Variants in RNF141 observed in about 807,000 individuals in gnomAD.
RNF141 encodes the protein ring finger protein 141.
In RNF141, 18 loss-of-function variants were observed where a neutral mutation model predicts 27.4. The observed-to-expected ratio is 0.66, with a 90% CI of 0.45 to 0.97. The LOEUF (loss-of-function observed/expected upper bound fraction) is 0.97, where lower values mean the gene tolerates loss of function less well. RNF141 is among the 50% of genes least tolerant of loss of function. The probability of loss-of-function intolerance (pLI) is 0.00; values close to 1 mark genes in which losing one functional copy is unlikely to be tolerated. For missense variants in RNF141, 230 were observed against 279.4 expected (o/e 0.82, Z 1.26); for synonymous variants, 97 against 96.6 (o/e 1.00, Z -0.02).
At chr11:10,520,189 T>C (rs1352068390) in intron 4 of RNF141, among the ~76,000 whole-genome samples, 8 of 152,320 alleles carry the variant, frequency 5.3e-5, no homozygotes, top group African/African-American at 1.9e-4. Flanking sequence ...ATATATTTCT[T>C]CAATGATAAA....
At position 10,534,195 on chromosome 11, in the gene RNF141, T is replaced by C; in HGVS notation, c.-37A>G. 6.2e-7 allele frequency: 1 copy of C among 1,601,724 alleles called. No individual in the cohort carries two copies. Among genetic ancestry groups the C allele is most frequent in the South Asian group, 1.1e-5 (1 of 89,478 alleles). On this transcript the variant is annotated 5_prime_UTR_variant, in exon 2 of 6. An upstream open reading frame in the 5' UTR loses its in-frame stop. Coordinates refer to ENST00000265981, the MANE Select transcript of RNF141 (RefSeq NM_016422.4). ...GTCTTTCAAAATCCAGAGTGTTGCT[T>C]CACATAGTTTCTGTCAAATATACAG...
At chr11:10,527,626 C>G (rs905842729) in intron 3 of RNF141, among the ~76,000 whole-genome samples, 4 of 137,806 alleles carry the variant, frequency 2.9e-5, no homozygotes, top group African/African-American at 1.1e-4. Context: ...AGCTTTGATT[C>G]CAAGTGCATG....
At chr11:10,516,971 C>A (rs1355150857) in intron 5 of RNF141, 6 of 151,812 alleles carry the variant, frequency 4.0e-5, no homozygotes, top group African/African-American at 1.5e-4. Context: ...ACAAAGTCTG[C>A]CACAAAGTCT....
At chr11:10,517,530 C>T (rs530504240) in intron 5 of RNF141, 2 of 151,962 alleles carry the variant, frequency 1.3e-5, no homozygotes, top group African/African-American at 4.8e-5. Context: ...AAACCCCAAG[C>T]ACAAGAAACA....
In RNF141 at chr11:10,535,291, T is replaced by A. The variant is rs545436333; in HGVS notation, c.-47-1086A>T. Among the ~76,000 whole-genome samples the A allele has an allele frequency of 4.6e-5, 7 of 151,842 alleles. No individual in the cohort carries two copies. The South Asian group carries it at 1.5e-3, about 31-fold the overall frequency. On this transcript the variant is annotated intron_variant, in intron 1 of 5. Coordinates refer to ENST00000265981, the MANE Select transcript of RNF141 (RefSeq NM_016422.4). ...GTAAAATTTCCTTTAGGTATTAAAATTTAATGTACTGTATTTGAAGTTAAT... is the reference window on the plus strand; with the variant it reads ...GTAAAATTTCCTTTAGGTATTAAAAATTAATGTACTGTATTTGAAGTTAAT...
chr11:10,532,376 T>C (rs1849994308), intron 2 of RNF141, among the ~76,000 whole-genome samples: 1 of 152,094 alleles, frequency 6.6e-6, no homozygotes, highest in Non-Finnish European at 1.5e-5. Flanking sequence ...CCAATGACTA[T>C]ATTTTTATCA....
chr11:10,515,169 T>A, intron 5 of RNF141, 103 bp from the exon 6 acceptor site: 1 of 1,263,044 alleles, frequency 7.9e-7, no homozygotes, highest in East Asian at 2.4e-5. Context: ...GGAAATAGCA[T>A]AGAAATATAT....
rs1019149045 is a variant in RNF141 at position 10,513,336 on chromosome 11, A to G, written c.*1580T>C. 3 of 152,226 alleles carry G rather than the reference A, an allele frequency of 2.0e-5. No individual in the cohort carries two copies. Among genetic ancestry groups the G allele is most frequent in the African/African-American group, 7.2e-5 (3 of 41,468 alleles). The allele number at this position is 152,226 out of a possible 1,614,324, so 9.4% of individuals were successfully genotyped here. A position where few individuals can be genotyped will look rare whatever the true frequency, so the allele number is the denominator to read the frequency against. ...CTACTATCCAGAAATTCTGTCATCA[A>G]TAAGTGGCAACTTAAATTGTGTACC... On this transcript the variant is annotated 3_prime_UTR_variant, in exon 6 of 6. Coordinates refer to ENST00000265981, the MANE Select transcript of RNF141 (RefSeq NM_016422.4).
At position 10,524,251 on chromosome 11, in the gene RNF141, T is replaced by C. The variant is rs530799542; in HGVS notation, c.434+941A>G. ...TAACACGGTGAAACCCCGTCTCTAC[T>C]AAAAATACAAAAAATTAGCCGGGCG... is the stretch of plus-strand genomic sequence containing the variant. On this transcript the variant is annotated intron_variant, in intron 4 of 5. Coordinates refer to ENST00000265981, the MANE Select transcript of RNF141 (RefSeq NM_016422.4). Among the ~76,000 whole-genome samples, 6 of 152,140 alleles carry C rather than the reference T, an allele frequency of 3.9e-5. No homozygotes were observed. The South Asian group carries it at 1.0e-3, about 26-fold the overall frequency.
At chr11:10,520,344 T>G (rs1399859435) in intron 4 of RNF141, among the ~76,000 whole-genome samples, 2 of 152,198 alleles carry the variant, frequency 1.3e-5, no homozygotes, top group East Asian at 3.8e-4. Flanking sequence ...TAAGATTTAT[T>G]TACTTTTTTA....
intron 4 of RNF141, among the ~76,000 whole-genome samples, chr11:10,521,270 C>T (rs1849885919): frequency 1.3e-5 from 2 of 152,186 alleles, no homozygotes; most frequent in Admixed American, 1.3e-4. Context: ...CAACACTTGC[C>T]TCAATGAAAA....
chr11:10,530,836 A>C, intron 2 of RNF141, 85 bp from the exon 3 acceptor site: 1 of 653,300 alleles, frequency 1.5e-6, no homozygotes. Context: ...TTCAAGAAAC[A>C]ATTTCAGAGA....
chr11:10,515,146 T>C, intron 5 of RNF141, 80 bp from the exon 6 acceptor site: 2 of 1,426,868 alleles, frequency 1.4e-6, no homozygotes, highest in Admixed American at 2.3e-5. Context: ...TACATGCACA[T>C]GGCTTTTAAA....
At position 10,531,947 on chromosome 11, in the gene RNF141, G is replaced by C. The variant is rs16907951; in HGVS notation, c.144-1196C>G. The C allele has an allele frequency of 6.8e-3, 2,994 of 442,794 alleles. 55 individuals carry two copies. Among genetic ancestry groups the C allele is most frequent in the African/African-American group, 0.046 (2,258 of 48,908 alleles). 27.4% of individuals were successfully genotyped at this position (442,794 alleles called of 1,614,324 possible). On this transcript the variant is annotated intron_variant, in intron 2 of 5. Transcript: ENST00000265981. ...CTACAGTTCTCGGAGATCACTGCAC[G>C]TCTGAAATGCCAATTCTGACCCATG...
chr11:10,525,109 T>G, intron 4 of RNF141, 83 bp downstream of exon 4: 1 of 1,060,018 alleles, frequency 9.4e-7, no homozygotes, highest in Non-Finnish European at 1.3e-6. Context: ...GATGCTACAA[T>G]GAGCAACAGC....
In RNF141 at chr11:10,512,227, A is replaced by G. The variant is rs948439627; in HGVS notation, c.*2689T>C. ...AAAGACAAAGCTGTACAGAATACAA[A>G]AAGTGTACATTTCATCCATTAAACA... On this transcript the variant is annotated 3_prime_UTR_variant, in exon 6 of 6. Transcript: ENST00000265981. The G allele has an allele frequency of 2.0e-5, 3 of 152,362 alleles. No homozygotes were observed. Among genetic ancestry groups the G allele is most frequent in the Admixed American group, 6.5e-5 (1 of 15,286 alleles). 9.4% of individuals were successfully genotyped at this position (152,362 alleles called of 1,614,324 possible). A position where few individuals can be genotyped will look rare whatever the true frequency, so the allele number is the denominator to read the frequency against.
At chr11:10,519,235 T>C (rs1849866915) in intron 4 of RNF141, 94 bp from the exon 5 acceptor site, 1 of 1,027,846 alleles carries the variant, frequency 9.7e-7, no homozygotes, top group Non-Finnish European at 1.5e-6. Context: ...AACATCTATA[T>C]GCCCACAGTA....
rs1591495263 is a variant in RNF141 at position 10,514,651 on chromosome 11, T to A, written c.*265A>T. 2 of 300,136 alleles carry A rather than the reference T, an allele frequency of 6.7e-6. No individual in the cohort carries two copies. The highest frequency in any genetic ancestry group is 1.2e-4 in the East Asian group (2 of 17,024). The allele number at this position is 300,136 out of a possible 1,614,324, so 18.6% of individuals were successfully genotyped here. A position where few individuals can be genotyped will look rare whatever the true frequency, so the allele number is the denominator to read the frequency against. On this transcript the variant is annotated 3_prime_UTR_variant, in exon 6 of 6. Transcript: ENST00000265981. ...GTTGCTGTTACCTTTAGCAAAGAATTCAAGAGCTATTAGTTGTAATAATAC... is the reference window on the plus strand; with the variant it reads ...GTTGCTGTTACCTTTAGCAAAGAATACAAGAGCTATTAGTTGTAATAATAC...
rs775901670 is a variant in RNF141 at position 10,525,313 on chromosome 11, G to A, written c.313C>T (p.Gln105Ter). 1 of 1,612,302 alleles carries A rather than the reference G, an allele frequency of 6.2e-7. No individual in the cohort carries two copies. Among genetic ancestry groups the A allele is most frequent in the Non-Finnish European group, 8.5e-7 (1 of 1,178,858 alleles). Residue 105 changes from glutamine (Q) to a stop codon, truncating the protein, a stop_gained, in exon 4 of 6, where the codon CAA (glutamine) becomes TAA (stop). Transcript: ENST00000265981. LOFTEE classifies it high-confidence loss of function. ...TGACTTGTGATATCTTTATAAAGTTGAATAAACTGGTATAAATTCATGATC... is the reference window on the plus strand; with the variant it reads ...TGACTTGTGATATCTTTATAAAGTTAAATAAACTGGTATAAATTCATGATC... The part of the protein sequence containing the change: ...SRIMNLYQFI[Q>*]LYKDITSQAA...
Sources: gnomAD v4.1 joint callset for allele counts (sites outside exome capture counted in the v4.1 genomes callset) on GRCh38, gnomAD v4.1.1 for gene constraint, MANE v1.5 for transcripts, NCBI Gene and HGNC (gene_info 2026-07-23, HGNC 2026-07-21) for gene names.